The following GXYLT1 variants were observed in gnomAD, a reference collection of about 807,000 sequenced individuals.
GXYLT1 encodes the protein glucoside xylosyltransferase 1, also known as glycosyltransferase 8 domain containing 3.
In GXYLT1, 29 loss-of-function variants were observed where a neutral mutation model predicts 54.0. The ratio of observed to expected loss-of-function variants is 0.54; its 90% confidence interval spans 0.40 to 0.73. GXYLT1 has a LOEUF of 0.73. Ranked by LOEUF, GXYLT1 falls within the 30% of genes least tolerant of loss-of-function variation. The pLI, the probability that GXYLT1 is intolerant of heterozygous loss-of-function variation, is 0.00. For synonymous variants in GXYLT1, 176 were observed against 204.1 expected (o/e 0.86, Z 1.17); for missense variants, 490 against 553.4 (o/e 0.89, Z 1.15).
intron 1 of GXYLT1, among the ~76,000 whole-genome samples, chr12:42,138,608 A>G (rs542875877): frequency 6.6e-6 from 1 of 152,384 alleles, no homozygotes; most frequent in Non-Finnish European, 1.5e-5. Flanking sequence ...AGTAAAAAGT[A>G]GCCAATCTGA....
At position 42,085,668 on chromosome 12, in the gene GXYLT1, T is replaced by G. The variant is rs1378094968; in HGVS notation, c.*2118A>C. The G allele has an allele frequency of 2.0e-5, 3 of 152,274 alleles. No individual in the cohort carries two copies. The highest frequency in any genetic ancestry group is 4.4e-5 in the Non-Finnish European group (3 of 68,048). The allele number at this position is 152,274 out of a possible 1,614,324, so 9.4% of individuals were successfully genotyped here. On this transcript the variant is annotated 3_prime_UTR_variant, in exon 8 of 8. Coordinates refer to ENST00000398675, the MANE Select transcript of GXYLT1 (RefSeq NM_173601.2). ...AACGAAATCATCATGTGACTTATAT[T>G]CTGTTGATTCTAACAAACCAACTAG...
At position 42,144,380 on chromosome 12, in the gene GXYLT1, AGCGCCCC is replaced by A. The variant is rs750823525; in HGVS notation, c.221+39_221+45del. 6.9e-4 allele frequency: 878 copies of A among 1,280,852 alleles called. 5 individuals carry two copies. The Middle Eastern group carries it at 9.1e-3, about 13-fold the overall frequency. 79.3% of individuals were successfully genotyped at this position (1,280,852 alleles called of 1,614,324 possible). ...CCCGGGCTAGGCCGAGCCCGCGCCC[AGCGCCCC>A]GCGCCCGCCGCGTCCCCCACACCGG... On this transcript the variant is annotated intron_variant, in intron 1 of 7. Coordinates refer to ENST00000398675, the MANE Select transcript of GXYLT1 (RefSeq NM_173601.2).
intron 4 of GXYLT1, among the ~76,000 whole-genome samples, chr12:42,106,685 A>G (rs1166470519): frequency 6.6e-6 from 1 of 151,966 alleles, no homozygotes; most frequent in East Asian, 1.9e-4. Context: ...TTTCTAAGAG[A>G]TAAATCTTCA....
At chr12:42,139,621 G>A (rs561160687) in intron 1 of GXYLT1, among the ~76,000 whole-genome samples, 2 of 152,282 alleles carry the variant, frequency 1.3e-5, no homozygotes, top group East Asian at 3.9e-4. Flanking sequence ...AGAACTGTAA[G>A]AAATAAATTT....
intron 1 of GXYLT1, among the ~76,000 whole-genome samples, chr12:42,131,967 C>T (rs531143507): frequency 6.6e-6 from 1 of 152,138 alleles, no homozygotes; most frequent in Non-Finnish European, 1.5e-5. Flanking sequence ...TCTACGAAGA[C>T]GATAACTAAT....
At chr12:42,106,730 T>A (rs190496538) in intron 4 of GXYLT1, among the ~76,000 whole-genome samples, 2 of 151,122 alleles carry the variant, frequency 1.3e-5, no homozygotes, top group Admixed American at 6.6e-5. Context: ...TAAGGATAAT[T>A]ATTATTATTT....
At chr12:42,105,442 G>A (rs1459896401) in intron 5 of GXYLT1, among the ~76,000 whole-genome samples, 4 of 152,124 alleles carry the variant, frequency 2.6e-5, no homozygotes, top group Non-Finnish European at 5.9e-5. Flanking sequence ...CAGAGTCTAT[G>A]CTCTTAACTG....
chr12:42,090,001 T>C (rs1010055591), intron 7 of GXYLT1, among the ~76,000 whole-genome samples: 1 of 152,196 alleles, frequency 6.6e-6, no homozygotes, highest in Non-Finnish European at 1.5e-5. Context: ...CATTTAAGAA[T>C]AGAGGAAGAC....
chr12:42,119,746 T>C (rs1473075665), intron 2 of GXYLT1, among the ~76,000 whole-genome samples: 1 of 152,136 alleles, frequency 6.6e-6, no homozygotes, highest in African/African-American at 2.4e-5. Flanking sequence ...AGATAGAAGC[T>C]GCAGTGAGCT....
At chr12:42,119,675 G>C (rs1182550811) in intron 2 of GXYLT1, among the ~76,000 whole-genome samples, 1 of 151,902 alleles carries the variant, frequency 6.6e-6, no homozygotes, top group African/African-American at 2.4e-5. Flanking sequence ...AGGAGTGGTG[G>C]CATGCACCTG....
chr12:42,083,093 G>A lies in GXYLT1; in HGVS notation c.*4693C>T, dbSNP rs193139973. 2.4e-4 allele frequency: 37 copies of A among 152,086 alleles called. No homozygotes were observed. The highest frequency in any genetic ancestry group is 8.4e-4 in the African/African-American group (35 of 41,474). The allele number at this position is 152,086 out of a possible 1,614,324, so 9.4% of individuals were successfully genotyped here. ...TTCTATTTAAGTCTGACATTGATTT[G>A]CAATCCATTTTAAACTGTTACATCT... is the stretch of plus-strand genomic sequence containing the variant. On this transcript the variant is annotated 3_prime_UTR_variant, in exon 8 of 8. Transcript: ENST00000398675.
intron 3 of GXYLT1, among the ~76,000 whole-genome samples, chr12:42,111,880 C>A (rs2065458924): frequency 6.6e-6 from 1 of 152,214 alleles, no homozygotes; most frequent in Non-Finnish European, 1.5e-5. Flanking sequence ...AACTGGGAGG[C>A]ACCCCACTGT....
At chr12:42,094,218 G>A (rs2136876303) in intron 7 of GXYLT1, among the ~76,000 whole-genome samples, 1 of 152,106 alleles carries the variant, frequency 6.6e-6, no homozygotes, top group East Asian at 1.9e-4. Flanking sequence ...GCCAAGCCTG[G>A]TGACATGCAC....
intron 4 of GXYLT1, among the ~76,000 whole-genome samples, 186 bp downstream of exon 4, chr12:42,109,380 T>TA (rs1456284540): frequency 6.6e-6 from 1 of 152,198 alleles, no homozygotes; most frequent in African/African-American, 2.4e-5. Context: ...CAGGGGTTTT[T>TA]ATTTTACTTG....
intron 1 of GXYLT1, among the ~76,000 whole-genome samples, chr12:42,136,287 T>C (rs1361351998): frequency 6.6e-6 from 1 of 152,238 alleles, no homozygotes; most frequent in Non-Finnish European, 1.5e-5. Flanking sequence ...TTGAAAATAC[T>C]GGAAAAGTAA....
Position 42,144,720 on chromosome 12 carries a change from C to A in GXYLT1, c.-74G>T. On this transcript the variant is annotated 5_prime_UTR_variant, in exon 1 of 8. Transcript: ENST00000398675. ...CGAACTGGAGCGGAGGGAGGGGCAC[C>A]GCGCAGCCGCGGGCGCAACAAGTTC... 2 of 1,162,900 alleles carry A rather than the reference C, an allele frequency of 1.7e-6. No individual in the cohort carries two copies. Among genetic ancestry groups the A allele is most frequent in the South Asian group, 2.2e-5 (1 of 45,726 alleles). 72.0% of individuals were successfully genotyped at this position (1,162,900 alleles called of 1,614,324 possible). A position where few individuals can be genotyped will look rare whatever the true frequency, so the allele number is the denominator to read the frequency against.
At chr12:42,095,364 C>G (rs570224020) in intron 7 of GXYLT1, among the ~76,000 whole-genome samples, 8 of 152,004 alleles carry the variant, frequency 5.3e-5, no homozygotes, top group African/African-American at 1.7e-4. Context: ...CTATTGGAAA[C>G]TACCAAAATG....
chr12:42,118,845 T>C (rs2065512430), intron 3 of GXYLT1, among the ~76,000 whole-genome samples, 155 bp downstream of exon 3: 1 of 152,218 alleles, frequency 6.6e-6, no homozygotes, highest in African/African-American at 2.4e-5. Context: ...TCTCCAGCAA[T>C]GCTGAACTGT....
intron 7 of GXYLT1, among the ~76,000 whole-genome samples, chr12:42,092,566 G>A (rs1389812089): frequency 6.6e-6 from 1 of 151,930 alleles, no homozygotes; most frequent in Non-Finnish European, 1.5e-5. Flanking sequence ...ACATAAAAGG[G>A]GACTAATAAG....
Sources: allele counts gnomAD v4.1 joint callset (sites outside exome capture counted in the v4.1 genomes callset), GRCh38; gene constraint gnomAD v4.1.1; transcripts MANE v1.5; gene names NCBI Gene and HGNC (gene_info 2026-07-23, HGNC 2026-07-21).